The following CFAP47 variants were observed in gnomAD, a reference collection of about 807,000 sequenced individuals.
The protein encoded by CFAP47 is cilia and flagella associated protein 47.
Under a neutral mutation model 148.1 loss-of-function variants are expected in CFAP47, and 29 were observed. The ratio of observed to expected loss-of-function variants is 0.20; its 90% CI spans 0.15 to 0.27. The LOEUF (loss-of-function observed/expected upper bound fraction) is 0.27. Among genes scored for constraint, CFAP47 ranks in the 10% least tolerant of loss-of-function variants. The pLI is 1.00. For missense variants in CFAP47, 1,872 were observed against 1,697.5 expected, an observed-to-expected ratio of 1.10 and a Z score of -1.81; for synonymous variants, 664 against 577.3, an observed-to-expected ratio of 1.15 and a Z score of -2.15.
rs1454441005 is a variant in CFAP47, at chrX:36,035,705, T to C, written c.3662T>C (p.Leu1221Ser). Residue 1221 changes from leucine (L) to serine (S), a missense_variant, in exon 24 of 64, where the codon TTA becomes TCA. Physicochemically the swap from Leu to Ser is moderately radical, Grantham distance 145. Transcript: ENST00000378653. ...TGTGTGTGTGAGCAGAATCTTGTTT[T>C]ATATAATATTACCAAACACCATGTG... ...NKVTKTQNLV[L>S]YNITKHHVTW... is the part of the protein sequence containing the mutation. 3.4e-6 allele frequency: 1 copy of C among 296,010 alleles called. No homozygotes were observed. The highest frequency in any genetic ancestry group is 5.9e-6 in the Non-Finnish European group (1 of 169,197). 24.4% of individuals were successfully genotyped at this position (296,010 alleles called of 1,213,427 possible).
intron 18 of CFAP47, among the ~76,000 whole-genome samples, chrX:35,994,316 TAAATA>T (rs1360247628): frequency 8.9e-6 from 1 of 111,997 alleles, no homozygotes; most frequent in Non-Finnish European, 1.9e-5. Context: ...CTGTAAGTGA[TAAATA>T]AAATATGTAA....
chrX:36,368,293 G>A (rs1168937624), intron 62 of CFAP47, among the ~76,000 whole-genome samples: 2 of 111,833 alleles, frequency 1.8e-5, no homozygotes, highest in African/African-American at 6.5e-5. Context: ...TAGCTGAAAT[G>A]TGTAGAAAAC....
intron 62 of CFAP47, among the ~76,000 whole-genome samples, chrX:36,371,908 A>ATGTGTATATACACACATGTGTATATG (rs1941966339): frequency 1.8e-5 from 1 of 56,073 alleles, no homozygotes; most frequent in Non-Finnish European, 2.6e-5. Flanking sequence ...ATGTGTATAT[A>ATGTGTATATACACACATGTGTATATG]TGTGTGTATA....
chrX:36,017,859 G>C (rs760419202), intron 22 of CFAP47, among the ~76,000 whole-genome samples: 37 of 110,914 alleles, frequency 3.3e-4, no homozygotes, highest in Admixed American at 2.9e-3. Flanking sequence ...ATCTTTTGTG[G>C]TTCCATATAA....
chrX:36,376,300 G>C (rs897288877), intron 62 of CFAP47, among the ~76,000 whole-genome samples: 1 of 111,685 alleles, frequency 9.0e-6, no homozygotes, highest in Non-Finnish European at 1.9e-5. Flanking sequence ...TTGTTCTTCT[G>C]GTGTCTGTCT....
At chrX:36,162,461 C>T (rs1939442275) in intron 39 of CFAP47, among the ~76,000 whole-genome samples, 2 of 111,383 alleles carry the variant, frequency 1.8e-5, no homozygotes, top group Admixed American at 1.9e-4. Context: ...ACCAATATAA[C>T]AAGAGACCCA....
chrX:36,322,368 T>C (rs1248699954), intron 57 of CFAP47, among the ~76,000 whole-genome samples: 1 of 111,277 alleles, frequency 9.0e-6, no homozygotes, highest in East Asian at 2.8e-4. Context: ...TATTATTTAA[T>C]GGCAATTACA....
intron 7 of CFAP47, among the ~76,000 whole-genome samples, chrX:35,954,755 G>A (rs1481742192): frequency 8.9e-6 from 1 of 111,898 alleles, no homozygotes; most frequent in Non-Finnish European, 1.9e-5. Flanking sequence ...AAAACTTCAT[G>A]TTTATATTTT....
chrX:36,355,015 C>T (rs781787361), intron 60 of CFAP47, among the ~76,000 whole-genome samples: 7 of 110,444 alleles, frequency 6.3e-5, no homozygotes, highest in South Asian at 3.8e-4. Flanking sequence ...GGAGCTCCTA[C>T]AACTCAATTA....
chrX:35,920,442 T>C (rs1293742864), intron 1 of CFAP47, among the ~76,000 whole-genome samples: 1 of 111,758 alleles, frequency 8.9e-6, no homozygotes, highest in African/African-American at 3.3e-5. Context: ...CCAGGAACTG[T>C]AGGATTAGTG....
intron 46 of CFAP47, among the ~76,000 whole-genome samples, chrX:36,229,510 T>C (rs1350289531): frequency 9.0e-6 from 1 of 111,658 alleles, no homozygotes; most frequent in African/African-American, 3.2e-5. Context: ...TATTAAATGA[T>C]CCTTCGATAG....
chrX:36,271,255 T>C (rs1556001788), intron 49 of CFAP47, among the ~76,000 whole-genome samples: 1 of 111,940 alleles, frequency 8.9e-6, no homozygotes, highest in African/African-American at 3.2e-5. Flanking sequence ...GAGAAGATAC[T>C]TATACCAAAA....
At position 36,047,074 on chromosome X, in the gene CFAP47, T is replaced by A; in HGVS notation, c.4217+11T>A. 1 of 1,016,074 alleles carries A rather than the reference T, an allele frequency of 9.8e-7. No individual in the cohort carries two copies. Among genetic ancestry groups the A allele is most frequent in the Non-Finnish European group, 1.4e-6 (1 of 737,414 alleles). 83.7% of individuals were successfully genotyped at this position (1,016,074 alleles called of 1,213,427 possible). A position where few individuals can be genotyped will look rare whatever the true frequency, so the allele number is the denominator to read the frequency against. On this transcript the variant is annotated intron_variant, in intron 26 of 63. Transcript: ENST00000378653. ...TGACAGAAAAAACTGGTAAGATATCTAAATGTACATTATTTTGTATCTGAC... is the reference window on the plus strand; with the variant it reads ...TGACAGAAAAAACTGGTAAGATATCAAAATGTACATTATTTTGTATCTGAC...
Position 35,971,976 on chromosome X carries a change from A to C in CFAP47, c.2254+11A>C, listed in dbSNP as rs1381591301. ...ATCAAGTAATTGTTGGTGAGAATAC[A>C]CAAAAACCTACTACAGCCTTTATTT... On this transcript the variant is annotated intron_variant, in intron 13 of 63. Coordinates refer to ENST00000378653, the MANE Select transcript of CFAP47 (RefSeq NM_001304548.2). 2.1e-6 allele frequency: 2 copies of C among 958,139 alleles called. No homozygotes were observed. Among genetic ancestry groups the C allele is most frequent in the African/African-American group, 4.1e-5 (2 of 49,056 alleles). 79.0% of individuals were successfully genotyped at this position (958,139 alleles called of 1,213,427 possible). A position where few individuals can be genotyped will look rare whatever the true frequency, so the allele number is the denominator to read the frequency against.
rs748365256 is a variant in CFAP47 at position 36,046,986 on chromosome X, T to C, written c.4140T>C (p.Thr1380=). The change falls in exon 26 of 64, where the codon ACT becomes ACC. Residue 1380 remains threonine (T), a synonymous_variant. Transcript: ENST00000378653. ...ACAGTGGAATTAATAATAAGCTCAC[T>C]TGCCACCTCAGTTTCAAGTCATCTA... The part of the protein sequence containing the change: ...GSHSGINNKL[T]CHLSFKSSKP... The C allele has an allele frequency of 6.9e-5, 80 of 1,163,531 alleles. No individual in the cohort carries two copies. The highest frequency in any genetic ancestry group is 9.0e-5 in the Non-Finnish European group (78 of 871,411).
chrX:36,029,845 T>A (rs1340995151), intron 22 of CFAP47, among the ~76,000 whole-genome samples: 2 of 110,861 alleles, frequency 1.8e-5, no homozygotes, highest in African/African-American at 6.5e-5. Context: ...TTGACTTTTC[T>A]AAATCTTAAA....
chrX:36,311,439 T>C (rs782673864), intron 56 of CFAP47, among the ~76,000 whole-genome samples: 1 of 111,091 alleles, frequency 9.0e-6, no homozygotes, highest in East Asian at 2.8e-4. Flanking sequence ...TGAGGGTATA[T>C]GTTTTTAATT....
intron 45 of CFAP47, among the ~76,000 whole-genome samples, chrX:36,224,608 A>T (rs1358191869): frequency 2.7e-5 from 3 of 111,593 alleles, no homozygotes; most frequent in Non-Finnish European, 5.7e-5. Flanking sequence ...TGCTGCTGGT[A>T]ATTCTTCTGT....
Position 35,920,041 on chromosome X carries a change from A to T in CFAP47, c.242A>T (p.Lys81Met). The T allele has an allele frequency of 8.4e-7, 1 of 1,188,356 alleles. No individual in the cohort carries two copies. Among genetic ancestry groups the T allele is most frequent in the South Asian group, 1.9e-5 (1 of 52,731 alleles). ...AAAATCCGATTTAAGGAGCCCGTCA[A>T]GCCACAGGTGACACACTAAGGGGTG... ...NQKIRFKEPV[K>M]PQFKLMLTSL... The change falls in exon 1 of 64, where the codon AAG (lysine) becomes ATG (methionine). Residue 81 changes from lysine to methionine, a missense_variant. Physicochemically the swap from Lys to Met is moderately conservative, Grantham distance 95. Coordinates refer to ENST00000378653, the MANE Select transcript of CFAP47 (RefSeq NM_001304548.2).
Sources: gnomAD v4.1 joint callset for allele counts (sites outside exome capture counted in the v4.1 genomes callset) on GRCh38, gnomAD v4.1.1 for gene constraint, MANE v1.5 for transcripts, NCBI Gene and HGNC (gene_info 2026-07-23, HGNC 2026-07-21) for gene names.